PCDHGB7: variants seen among roughly 807,000 people sequenced by gnomAD.
PCDHGB7 encodes protocadherin gamma-B7.
In PCDHGB7, 37 loss-of-function variants were observed where a neutral mutation model predicts 61.4. The observed-to-expected ratio is 0.60, with a 90% CI of 0.46 to 0.79. The LOEUF (loss-of-function observed/expected upper bound fraction) is 0.79. PCDHGB7 is among the 30% of genes least tolerant of loss of function. PCDHGB7 has a pLI of 0.00. For missense variants in PCDHGB7, 1,166 were observed against 1,202.5 expected, an observed-to-expected ratio of 0.97 and a Z score of 0.45; for synonymous variants, 464 against 503.5, an observed-to-expected ratio of 0.92 and a Z score of 1.05.
Position 141,489,119 on chromosome 5 carries a change from C to T in PCDHGB7, c.2416-5688C>T, listed in dbSNP as rs1236074950. The T allele has an allele frequency of 2.0e-5, 13 of 650,240 alleles. No individual in the cohort carries two copies. Among genetic ancestry groups the T allele is most frequent in the African/African-American group, 9.1e-5 (5 of 55,178 alleles). 40.3% of individuals were successfully genotyped at this position (650,240 alleles called of 1,614,324 possible). ...GAACTGCTGCAAGCAGGCAAACCTC[C>T]GAGCAGTTTTTAAGAGGCTGGAAGG... On this transcript the variant is annotated intron_variant, in intron 1 of 3. Coordinates refer to ENST00000398594, the MANE Select transcript of PCDHGB7 (RefSeq NM_018927.4). This position sits in a 1 kb window ranked among gnomAD's most constrained non-coding sequence, Gnocchi z 4.5.
At chr5:141,422,724 G>A (rs560544401) in intron 1 of PCDHGB7, 9 of 1,606,016 alleles carry the variant, frequency 5.6e-6, no homozygotes, top group East Asian at 2.2e-5. Flanking sequence ...CTGTCCAGGG[G>A]GTGCCTCTGT....
chr5:141,498,807 C>G (rs113587634), intron 2 of PCDHGB7, among the ~76,000 whole-genome samples: 1 of 152,030 alleles, frequency 6.6e-6, no homozygotes, highest in Non-Finnish European at 1.5e-5. Flanking sequence ...GTGGTGCACA[C>G]CTGTAGTCCC....
chr5:141,438,627 T>TAC (rs2098030812), intron 1 of PCDHGB7, among the ~76,000 whole-genome samples: 3 of 48,012 alleles, frequency 6.2e-5, no homozygotes, highest in Non-Finnish European at 1.0e-4. Flanking sequence ...TATATATATA[T>TAC]ATATATATAC....
chr5:141,486,879 G>A lies in PCDHGB7; in HGVS notation c.2416-7928G>A, dbSNP rs1371072899. 7 of 1,614,228 alleles carry A rather than the reference G, an allele frequency of 4.3e-6. No homozygotes were observed. Among genetic ancestry groups the A allele is most frequent in the Non-Finnish European group, 4.2e-6 (5 of 1,180,046 alleles). On this transcript the variant is annotated intron_variant, in intron 1 of 3. Coordinates refer to ENST00000398594, the MANE Select transcript of PCDHGB7 (RefSeq NM_018927.4). The surrounding 1 kb of genome is among the most constrained non-coding windows in gnomAD (Gnocchi z 5.0). Reference sequence around the variant, plus strand: ...AATGCTCCAGCTGTGCTCCGTCCTCGGGCCCGGCCTGGTTCCTTATGTCCC... The same window carrying A: ...AATGCTCCAGCTGTGCTCCGTCCTCAGGCCCGGCCTGGTTCCTTATGTCCC...
At chr5:141,474,807 A>C (rs945920397) in intron 1 of PCDHGB7, among the ~76,000 whole-genome samples, 8 of 152,364 alleles carry the variant, frequency 5.3e-5, no homozygotes, top group Admixed American at 1.3e-4. Context: ...AGTGGTTTGC[A>C]TCATTAATTG....
In PCDHGB7 at chr5:141,476,327, G is replaced by A. The variant is rs2099389169; in HGVS notation, c.2416-18480G>A. The A allele has an allele frequency of 1.2e-6, 2 of 1,614,192 alleles. No individual in the cohort carries two copies. Among genetic ancestry groups the A allele is most frequent in the African/African-American group, 1.3e-5 (1 of 75,046 alleles). On this transcript the variant is annotated intron_variant, in intron 1 of 3. Transcript: ENST00000398594. The surrounding 1 kb of genome is among the most constrained non-coding windows in gnomAD (Gnocchi z 7.6). ...AGCCCGCAGGTTCCGGGTGGTGTCT[G>A]GAGCTAGCCGAAGATTCTTTGAGGT...
In PCDHGB7 at chr5:141,431,514, C is replaced by T. The variant is rs760416874; in HGVS notation, c.2415+11240C>T. ...CAGCCCGAGTACCGCGCGAGCGTTC[C>T]GGAGAATCTGGCCTTGGGCACGCAG... On this transcript the variant is annotated intron_variant, in intron 1 of 3. Transcript: ENST00000398594. This position sits in a 1 kb window ranked among gnomAD's most constrained non-coding sequence, Gnocchi z 4.8. 3.1e-6 allele frequency: 5 copies of T among 1,614,012 alleles called. No homozygotes were observed. The highest frequency in any genetic ancestry group is 1.1e-5 in the South Asian group (1 of 91,082).
intron 1 of PCDHGB7, chr5:141,422,140 C>CG (rs1369033587): frequency 6.3e-7 from 1 of 1,586,656 alleles, no homozygotes; most frequent in Non-Finnish European, 8.5e-7. Context: ...AGTTCAAGTA[C>CG]GGGGGTCTCT....
At chr5:141,467,185 TG>T (rs1295935271) in intron 1 of PCDHGB7, among the ~76,000 whole-genome samples, 1 of 152,004 alleles carries the variant, frequency 6.6e-6, no homozygotes, top group African/African-American at 2.4e-5. Context: ...CCCAAGTAGC[TG>T]GGATTACAGG....
chr5:141,482,747 G>T lies in PCDHGB7; in HGVS notation c.2416-12060G>T, dbSNP rs182945398. On this transcript the variant is annotated intron_variant, in intron 1 of 3. Transcript: ENST00000398594. ...CATTGCAAGAAATTCCATGCAGAGG[G>T]ATTATGGTATTTCATTATCACTGAA... Among the ~76,000 whole-genome samples, 567 of 128,410 alleles carry T rather than the reference G, an allele frequency of 4.4e-3. 2 individuals carry two copies. The highest frequency in any genetic ancestry group is 0.019 in the African/African-American group (533 of 28,666). The allele number at this position is 128,410 out of a possible 152,430, so 84.2% of individuals were successfully genotyped here. A position where few individuals can be genotyped will look rare whatever the true frequency, so the allele number is the denominator to read the frequency against.
rs747159210 is a variant in PCDHGB7, at chr5:141,511,184, A to C, written c.*11A>C. 1.2e-5 allele frequency: 19 copies of C among 1,613,876 alleles called. No homozygotes were observed. In the Admixed American group the frequency reaches 3.2e-4, roughly 27 times the overall value. ...AAGGAGAAGAAGTAACATGGAGGCC[A>C]GGCCAAGAGCCACAGGGCGGCCTCT... is the stretch of plus-strand genomic sequence containing the variant. On this transcript the variant is annotated 3_prime_UTR_variant, in exon 4 of 4. Transcript: ENST00000398594.
rs750033444 is a variant in PCDHGB7 at position 141,432,950 on chromosome 5, G to C, written c.2415+12676G>C. 1.2e-6 allele frequency: 2 copies of C among 1,614,190 alleles called. No homozygotes were observed. The highest frequency in any genetic ancestry group is 1.7e-6 in the Non-Finnish European group (2 of 1,180,032). ...ACGCCTGCTGCAGGCTTCAGGAGGC[G>C]GCTTGACAGGAGCGCCGGCGTCGCA... On this transcript the variant is annotated intron_variant, in intron 1 of 3. Transcript: ENST00000398594. The surrounding 1 kb of genome is among the most constrained non-coding windows in gnomAD (Gnocchi z 6.0).
At chr5:141,421,483 A>C in intron 1 of PCDHGB7, 4 of 1,614,128 alleles carry the variant, frequency 2.5e-6, no homozygotes, top group Non-Finnish European at 3.4e-6. Context: ...CGGCAGCTTG[A>C]TCACGGCAGG....
At chr5:141,506,278 G>A (rs1001662623) in intron 3 of PCDHGB7, among the ~76,000 whole-genome samples, 1 of 152,090 alleles carries the variant, frequency 6.6e-6, no homozygotes. Flanking sequence ...GTGAAACCCT[G>A]TCTCTACTAA....
intron 1 of PCDHGB7, among the ~76,000 whole-genome samples, chr5:141,460,951 G>GTATA (rs200454978): frequency 7.9e-5 from 11 of 139,774 alleles, no homozygotes; most frequent in Middle Eastern, 3.7e-3. Context: ...TATGTATTAT[G>GTATA]TATATATATA....
chr5:141,452,884 A>C (rs746547069), intron 1 of PCDHGB7, among the ~76,000 whole-genome samples: 1 of 152,204 alleles, frequency 6.6e-6, no homozygotes, highest in Non-Finnish European at 1.5e-5. Flanking sequence ...GTAATAATTT[A>C]TTCCACTTTT....
At chr5:141,430,638 G>A in intron 1 of PCDHGB7, 1 of 898,338 alleles carries the variant, frequency 1.1e-6, no homozygotes, top group Non-Finnish European at 1.6e-6. Flanking sequence ...CCATCCCTGG[G>A]AGTATGTGGA....
intron 1 of PCDHGB7, among the ~76,000 whole-genome samples, chr5:141,465,368 A>C (rs940928815): frequency 1.3e-5 from 2 of 152,114 alleles, no homozygotes; most frequent in Admixed American, 6.6e-5. Flanking sequence ...TGCCCTTTAA[A>C]GTTGTAAGAT....
chr5:141,490,249 C>T lies in PCDHGB7; in HGVS notation c.2416-4558C>T, dbSNP rs2099697737. On this transcript the variant is annotated intron_variant, in intron 1 of 3. Coordinates refer to ENST00000398594, the MANE Select transcript of PCDHGB7 (RefSeq NM_018927.4). The surrounding 1 kb of genome is among the most constrained non-coding windows in gnomAD (Gnocchi z 5.4). ...TGCCATGGAGGGCCACTGTGTGATT[C>T]AAGTGGATGTGGGGGATGTCAATGA... The T allele has an allele frequency of 1.2e-6, 2 of 1,614,218 alleles. No individual in the cohort carries two copies. The highest frequency in any genetic ancestry group is 1.7e-6 in the Non-Finnish European group (2 of 1,180,044).
Sources: gnomAD v4.1 joint callset for allele counts (sites outside exome capture counted in the v4.1 genomes callset) on GRCh38, gnomAD v4.1.1 for gene constraint, Gnocchi (gnomAD v3.1) non-coding constraint, MANE v1.5 for transcripts, NCBI Gene and HGNC (gene_info 2026-07-23, HGNC 2026-07-21) for gene names.